Variants in EML1 observed in about 807,000 individuals in gnomAD.
The protein encoded by EML1 is echinoderm microtubule-associated protein-like 1.
In EML1, 27 loss-of-function variants were observed where a neutral mutation model predicts 110.4. The ratio of observed to expected loss-of-function variants is 0.24; its 90% CI spans 0.18 to 0.34. The LOEUF (loss-of-function observed/expected upper bound fraction) is 0.34. EML1 is among the 10% of genes least tolerant of loss of function. EML1 has a pLI of 1.00. For synonymous variants in EML1, 344 were observed against 385.8 expected (o/e 0.89, Z 1.27); for missense variants, 741 against 1,030.9 (o/e 0.72, Z 3.85).
chr14:99,869,354 G>A (rs541461913), intron 3 of EML1, among the ~76,000 whole-genome samples: 3 of 152,094 alleles, frequency 2.0e-5, no homozygotes, highest in African/African-American at 7.2e-5. Context: ...TTGTTTTGGG[G>A]CACCAAAAAC....
intron 1 of EML1, among the ~76,000 whole-genome samples, chr14:99,839,703 G>A (rs1438735111): frequency 6.6e-6 from 1 of 152,196 alleles, no homozygotes; most frequent in Non-Finnish European, 1.5e-5. Context: ...TTGTTGTAGA[G>A]CTCTTTAAGA....
At chr14:99,921,386 G>T (rs1220339073) in intron 17 of EML1, among the ~76,000 whole-genome samples, 1 of 152,140 alleles carries the variant, frequency 6.6e-6, no homozygotes, top group East Asian at 1.9e-4. Context: ...AATCCCAACA[G>T]AATTGAGATT....
In EML1 at chr14:99,939,375, C is replaced by T. The variant is rs761151095; in HGVS notation, c.2322+48C>T. 2.1e-5 allele frequency: 34 copies of T among 1,607,528 alleles called. No homozygotes were observed. In the Middle Eastern group the frequency reaches 8.3e-4, roughly 39 times the overall value. Reference sequence around the variant, plus strand: ...AATCTTATCCCCCATGGGGCATGCACGTACACCCGACCTGTTTGGAGACTA... The same window carrying T: ...AATCTTATCCCCCATGGGGCATGCATGTACACCCGACCTGTTTGGAGACTA... On this transcript the variant is annotated intron_variant, in intron 21 of 21. Coordinates refer to ENST00000262233, the MANE Select transcript of EML1 (RefSeq NM_004434.3). The surrounding 1 kb of genome is among the most constrained non-coding windows in gnomAD (Gnocchi z 4.2).
intron 1 of EML1, chr14:99,850,314 T>A: frequency 7.8e-7 from 1 of 1,288,612 alleles, no homozygotes; most frequent in Non-Finnish European, 1.0e-6. Flanking sequence ...TGATAAGGAG[T>A]TGGAAATTAT....
chr14:99,814,656 C>T (rs1026259474), intron 1 of EML1, among the ~76,000 whole-genome samples: 8 of 152,068 alleles, frequency 5.3e-5, no homozygotes, highest in African/African-American at 1.9e-4. Flanking sequence ...TGTGAAAATA[C>T]AAGTTAAAGC....
At position 99,810,039 on chromosome 14, in the gene EML1, C is replaced by T. The variant is rs890616942; in HGVS notation, c.67+16496C>T. Among the ~76,000 whole-genome samples the T allele has an allele frequency of 3.3e-5, 5 of 152,226 alleles. No homozygotes were observed. In the South Asian group the frequency reaches 6.2e-4, roughly 19 times the overall value. ...TTCCTGGGTGGTTCCTGCTGCAATG[C>T]GGCCCAGTCAGGGCACTGCTGCTGA... On this transcript the variant is annotated intron_variant, in intron 1 of 21. Coordinates refer to ENST00000262233, the MANE Select transcript of EML1 (RefSeq NM_004434.3).
At chr14:99,934,912 A>G (rs2060440611) in intron 17 of EML1, among the ~76,000 whole-genome samples, 1 of 152,166 alleles carries the variant, frequency 6.6e-6, no homozygotes, top group African/African-American at 2.4e-5. Flanking sequence ...GTGTTTCCAC[A>G]CAAGCATCGC....
intron 1 of EML1, among the ~76,000 whole-genome samples, chr14:99,840,876 C>A (rs988126951): frequency 2.0e-5 from 3 of 152,176 alleles, no homozygotes; most frequent in African/African-American, 7.2e-5. Context: ...CTGTTTTTTA[C>A]AGTAAGAGAA....
intron 12 of EML1, among the ~76,000 whole-genome samples, 174 bp from the exon 13 acceptor site, chr14:99,911,248 A>G (rs1354400318): frequency 6.6e-6 from 1 of 152,178 alleles, no homozygotes; most frequent in Non-Finnish European, 1.5e-5. Context: ...AACCCATTTC[A>G]TGCTTGTCTG....
intron 1 of EML1, among the ~76,000 whole-genome samples, chr14:99,780,797 G>T (rs1261065956): frequency 6.6e-6 from 1 of 152,326 alleles, no homozygotes. Context: ...ACAGTAGCCT[G>T]TCATGCAGGT....
upstream of EML1, among the ~76,000 whole-genome samples, chr14:99,791,800 C>A (rs766397884): frequency 6.6e-6 from 1 of 152,218 alleles, no homozygotes; most frequent in Non-Finnish European, 1.5e-5. Context: ...CCATCTCCCC[C>A]CAAGTCTGGT....
At chr14:99,828,072 G>C (rs1377726737) in intron 1 of EML1, among the ~76,000 whole-genome samples, 2 of 152,138 alleles carry the variant, frequency 1.3e-5, no homozygotes. Context: ...TATGATTCTA[G>C]TCATGTATGT....
At chr14:99,811,670 G>T (rs536666795) in intron 1 of EML1, among the ~76,000 whole-genome samples, 2 of 149,432 alleles carry the variant, frequency 1.3e-5, no homozygotes, top group East Asian at 2.0e-4. Flanking sequence ...AATTAGCCAG[G>T]CTTTGTGGCA....
rs190544949 is a variant in EML1, at chr14:99,825,299, A to G, written c.68-25554A>G. 1.2e-4 allele frequency among the ~76,000 whole-genome samples: 18 copies of G among 152,242 alleles called. No homozygotes were observed. In the East Asian group the frequency reaches 3.1e-3, roughly 26 times the overall value. On this transcript the variant is annotated intron_variant, in intron 1 of 21. Coordinates refer to ENST00000262233, the MANE Select transcript of EML1 (RefSeq NM_004434.3). ...TGTGCCTGGCCACCACATTTTGTTT[A>G]TCCAGTCCTTCATTGATGGACACTT...
At chr14:99,918,858 C>G (rs2060078485) in intron 16 of EML1, among the ~76,000 whole-genome samples, 1 of 152,100 alleles carries the variant, frequency 6.6e-6, no homozygotes, top group Admixed American at 6.5e-5. Flanking sequence ...TTCTAGCTGC[C>G]CTTTCAAAAT....
chr14:99,836,086 A>G (rs2058536107), intron 1 of EML1, among the ~76,000 whole-genome samples: 1 of 152,188 alleles, frequency 6.6e-6, no homozygotes, highest in Non-Finnish European at 1.5e-5. Context: ...TGGAATTATG[A>G]TTGGGAATGC....
At chr14:99,889,076 T>C (rs1302534268) in intron 4 of EML1, among the ~76,000 whole-genome samples, 1 of 152,134 alleles carries the variant, frequency 6.6e-6, no homozygotes, top group Non-Finnish European at 1.5e-5. Flanking sequence ...TTCTCCACGC[T>C]CAGGGCCTGG....
At chr14:99,848,361 G>GA (rs552356050) in intron 1 of EML1, among the ~76,000 whole-genome samples, 82 of 152,198 alleles carry the variant, frequency 5.4e-4, no homozygotes, top group African/African-American at 1.9e-3. Flanking sequence ...TAAGAGAGTA[G>GA]ATTTTAAGTG....
At chr14:99,765,995 A>G (rs1364353750) in intron 1 of EML1, among the ~76,000 whole-genome samples, 1 of 152,156 alleles carries the variant, frequency 6.6e-6, no homozygotes, top group African/African-American at 2.4e-5. Flanking sequence ...AATGGTTAAT[A>G]AAATGATTAC....
Sources: gnomAD v4.1 joint callset for allele counts (sites outside exome capture counted in the v4.1 genomes callset) on GRCh38, gnomAD v4.1.1 for gene constraint, Gnocchi (gnomAD v3.1) non-coding constraint, MANE v1.5 for transcripts, NCBI Gene and HGNC (gene_info 2026-07-23, HGNC 2026-07-21) for gene names.